The following KAZN variants were observed in gnomAD, a reference collection of about 807,000 sequenced individuals.
The protein encoded by KAZN is kazrin.
Under a neutral mutation model 87.4 loss-of-function variants are expected in KAZN, and 40 were observed. The observed-to-expected ratio is 0.46, with a 90% CI of 0.36 to 0.60. The LOEUF is 0.60. KAZN is among the 20% of genes least tolerant of loss of function. The pLI, the probability that KAZN is intolerant of heterozygous loss-of-function variation, is 0.00. For missense variants in KAZN, 898 were observed against 1,073.9 expected, an observed-to-expected ratio of 0.84 and a Z score of 2.29; for synonymous variants, 466 against 458.3, an observed-to-expected ratio of 1.02 and a Z score of -0.22.
At chr1:13,904,640 G>A (rs906888748) in intron 1 of KAZN, among the ~76,000 whole-genome samples, 1 of 152,128 alleles carries the variant, frequency 6.6e-6, no homozygotes, top group African/African-American at 2.4e-5. Context: ...TTTGATTTTG[G>A]GGTCATTTCT....
intron 13 of KAZN, among the ~76,000 whole-genome samples, chr1:15,109,004 A>C (rs1471183818): frequency 6.6e-6 from 1 of 152,074 alleles, no homozygotes; most frequent in African/African-American, 2.4e-5. Flanking sequence ...AGGAGGGAGG[A>C]TATTTTGGCA....
chr1:14,473,614 TG>T (rs1247499359), intron 2 of KAZN, among the ~76,000 whole-genome samples: 1 of 144,080 alleles, frequency 6.9e-6, no homozygotes, highest in East Asian at 2.0e-4. Context: ...ACTCCAGCCT[TG>T]GGACAGAGAG....
intron 2 of KAZN, among the ~76,000 whole-genome samples, chr1:14,253,148 G>T (rs369576049): frequency 1.3e-5 from 2 of 150,080 alleles, no homozygotes; most frequent in African/African-American, 4.9e-5. Context: ...GGCCCCACCC[G>T]GTTACCGGGG....
intron 14 of KAZN, chr1:15,112,840 C>G (rs1215073608): frequency 7.5e-6 from 2 of 265,838 alleles, no homozygotes; most frequent in African/African-American, 4.3e-5. Context: ...ATTCTGGGAC[C>G]CACCTTGGTC....
At chr1:14,999,742 T>C (rs1452686383) in intron 2 of KAZN, among the ~76,000 whole-genome samples, 1 of 152,252 alleles carries the variant, frequency 6.6e-6, no homozygotes, top group African/African-American at 2.4e-5. Flanking sequence ...GGAATGCGCC[T>C]GTGGATGTAA....
intron 2 of KAZN, among the ~76,000 whole-genome samples, chr1:14,251,457 G>T (rs1650020397): frequency 6.6e-6 from 1 of 152,006 alleles, no homozygotes. Context: ...AGAGAAGAGG[G>T]ATAGGGTCAA....
intron 8 of KAZN, among the ~76,000 whole-genome samples, chr1:15,093,140 C>T (rs879190350): frequency 6.6e-5 from 10 of 152,020 alleles, no homozygotes; most frequent in South Asian, 4.2e-4. Flanking sequence ...ATGAATCCCG[C>T]GCAGTCAAAA....
Position 14,162,183 on chromosome 1 carries a change from G to A in KAZN, c.92-18252G>A, listed in dbSNP as rs754586286. On this transcript the variant is annotated intron_variant, in intron 1 of 16. Transcript: ENST00000636203. ...TATATAAAAGATCATGTTTGTAGCT[G>A]CAAAGTTTTCTTAATCTGCTTTTTG... 6.0e-4 allele frequency among the ~76,000 whole-genome samples: 92 copies of A among 152,178 alleles called. 1 individual carries two copies. Among genetic ancestry groups the A allele is most frequent in the Non-Finnish European group, 1.0e-4 (7 of 68,032 alleles).
At chr1:14,885,295 T>C (rs1572728353) in intron 1 of KAZN, among the ~76,000 whole-genome samples, 2 of 151,882 alleles carry the variant, frequency 1.3e-5, no homozygotes, top group East Asian at 1.9e-4. Flanking sequence ...CCTTGCCTGC[T>C]CCCCAAATCT....
At chr1:14,888,321 G>A (rs1654329666) in intron 1 of KAZN, among the ~76,000 whole-genome samples, 1 of 152,164 alleles carries the variant, frequency 6.6e-6, no homozygotes, top group Non-Finnish European at 1.5e-5. Context: ...GCCCAAGGCT[G>A]GGGTGTCCCC....
At chr1:14,167,744 C>A (rs951056442) in intron 1 of KAZN, among the ~76,000 whole-genome samples, 1 of 136,844 alleles carries the variant, frequency 7.3e-6, no homozygotes, top group African/African-American at 2.8e-5. Context: ...CAAAAACAAA[C>A]AAGGAAGCAC....
chr1:14,419,819 T>C (rs1237136750), intron 2 of KAZN, among the ~76,000 whole-genome samples: 1 of 152,120 alleles, frequency 6.6e-6, no homozygotes, highest in Non-Finnish European at 1.5e-5. Context: ...GTTCGGGGTC[T>C]CGCTGGTCTC....
At chr1:14,590,669 C>T (rs1362831774) in intron 2 of KAZN, among the ~76,000 whole-genome samples, 4 of 152,200 alleles carry the variant, frequency 2.6e-5, no homozygotes, top group Non-Finnish European at 5.9e-5. Flanking sequence ...GAGCTACCAT[C>T]ACAACTATTA....
At chr1:13,957,359 A>G (rs1367525898) in intron 1 of KAZN, among the ~76,000 whole-genome samples, 1 of 152,212 alleles carries the variant, frequency 6.6e-6, no homozygotes. Context: ...GACAGGAAAC[A>G]GCTAAGCAAG....
At chr1:14,311,276 C>T (rs541759136) in intron 2 of KAZN, among the ~76,000 whole-genome samples, 1 of 151,294 alleles carries the variant, frequency 6.6e-6, no homozygotes, top group African/African-American at 2.4e-5. Flanking sequence ...AGATATTGAA[C>T]CTGACCTCTT....
At chr1:14,763,114 A>T (rs1050444529) in intron 1 of KAZN, among the ~76,000 whole-genome samples, 1 of 152,178 alleles carries the variant, frequency 6.6e-6, no homozygotes, top group African/African-American at 2.4e-5. Flanking sequence ...GCAAAGTGAG[A>T]GGTATGGTGT....
chr1:14,364,026 T>C (rs1171638333), intron 2 of KAZN, among the ~76,000 whole-genome samples: 1 of 151,962 alleles, frequency 6.6e-6, no homozygotes, highest in Non-Finnish European at 1.5e-5. Context: ...TTTCTTACAA[T>C]GTTTCTTACT....
chr1:14,344,323 CAT>C (rs1182700778), intron 2 of KAZN, among the ~76,000 whole-genome samples: 4 of 150,818 alleles, frequency 2.7e-5, no homozygotes, highest in Non-Finnish European at 5.9e-5. Flanking sequence ...ATTTTAAAGA[CAT>C]AGTGTGAAAA....
chr1:14,576,431 G>A (rs1013221711), intron 2 of KAZN, among the ~76,000 whole-genome samples: 2 of 151,422 alleles, frequency 1.3e-5, no homozygotes, highest in African/African-American at 4.9e-5. Context: ...GTAGATGGAT[G>A]AATGGAACAA....
Sources: gnomAD v4.1 joint callset for allele counts (sites outside exome capture counted in the v4.1 genomes callset) on GRCh38, gnomAD v4.1.1 for gene constraint, MANE v1.5 for transcripts, NCBI Gene and HGNC (gene_info 2026-07-23, HGNC 2026-07-21) for gene names.